Variants in FMN2 observed in about 807,000 individuals in gnomAD.
FMN2 encodes formin 2.
A neutral mutation model predicts 142.3 loss-of-function variants in FMN2; 51 were observed. The ratio of observed to expected loss-of-function variants is 0.36; its 90% CI spans 0.29 to 0.45. The LOEUF is 0.45. Among genes scored for constraint, FMN2 ranks in the 20% least tolerant of loss-of-function variants. The probability of loss-of-function intolerance (pLI) is 1.00; values close to 1 mark genes in which losing one functional copy is unlikely to be tolerated. For missense variants in FMN2, 1,936 were observed against 2,122.8 expected (o/e 0.91, Z 1.73); for synonymous variants, 882 against 869.8 (o/e 1.01, Z -0.25).
At position 240,093,589 on chromosome 1, in the gene FMN2, C is replaced by G; in HGVS notation, c.1480C>G (p.Pro494Ala). Reference sequence around the variant, plus strand: ...GACGGAGGAGCTAGGCGCCCGCACGCCCCGGGTGGGAGGCTCCGCGCACCT... The same window carrying G: ...GACGGAGGAGCTAGGCGCCCGCACGGCCCGGGTGGGAGGCTCCGCGCACCT... The part of the protein sequence containing the change: ...DWTEELGART[P>A]RVGGSAHLLE... Residue 494 changes from proline (P) to alanine (A), a missense_variant, in exon 1 of 18, where the codon CCC (proline) becomes GCC (alanine). Pro to Ala is a conservative substitution (Grantham distance 27, BLOSUM62 -1). This residue lies in a region of FMN2 where 751 missense variants were observed against 791.8 expected (regional missense o/e 0.95). Transcript: ENST00000319653. 1 of 1,445,822 alleles carries G rather than the reference C, an allele frequency of 6.9e-7. No individual in the cohort carries two copies. The highest frequency in any genetic ancestry group is 9.0e-7 in the Non-Finnish European group (1 of 1,109,610). 89.6% of individuals were successfully genotyped at this position (1,445,822 alleles called of 1,614,324 possible). A position where few individuals can be genotyped will look rare whatever the true frequency, so the allele number is the denominator to read the frequency against.
rs754511896 is a variant in FMN2 at position 240,093,012 on chromosome 1, C to T, written c.903C>T (p.Val301=). 234 of 1,397,210 alleles carry T rather than the reference C, an allele frequency of 1.7e-4. No individual in the cohort carries two copies. The highest frequency in any genetic ancestry group is 2.1e-4 in the Middle Eastern group (1 of 4,826). 86.6% of individuals were successfully genotyped at this position (1,397,210 alleles called of 1,614,324 possible). ...QQPPSPGGLP[V]SEAPSLPAAQ... ...CGCCGTCCCCCGGCGGCCTCCCGGTCTCCGAGGCGCCCAGTCTCCCGGCAG... is the reference window on the plus strand; with the variant it reads ...CGCCGTCCCCCGGCGGCCTCCCGGTTTCCGAGGCGCCCAGTCTCCCGGCAG... The change falls in exon 1 of 18, where the codon GTC becomes GTT. Residue 301 remains valine (V), a synonymous_variant. Coordinates refer to ENST00000319653, the MANE Select transcript of FMN2 (RefSeq NM_020066.5).
intron 15 of FMN2, among the ~76,000 whole-genome samples, chr1:240,418,905 G>A (rs903155093): frequency 6.6e-6 from 1 of 152,092 alleles, no homozygotes; most frequent in African/African-American, 2.4e-5. Flanking sequence ...TCAGGAGTTC[G>A]AGACCAGCCT....
At chr1:240,289,437 G>A (rs1669701237) in intron 7 of FMN2, among the ~76,000 whole-genome samples, 1 of 152,148 alleles carries the variant, frequency 6.6e-6, no homozygotes, top group Non-Finnish European at 1.5e-5. Context: ...GAAGCCTGAG[G>A]TGGGAGGATC....
intron 14 of FMN2, among the ~76,000 whole-genome samples, chr1:240,369,445 C>A (rs953411691): frequency 6.6e-6 from 1 of 151,996 alleles, no homozygotes; most frequent in Non-Finnish European, 1.5e-5. Flanking sequence ...TACATTTAAC[C>A]AATACCATTG....
intron 8 of FMN2, among the ~76,000 whole-genome samples, chr1:240,312,433 T>A (rs1670629969): frequency 6.6e-6 from 1 of 152,246 alleles, no homozygotes; most frequent in South Asian, 2.1e-4. Flanking sequence ...CTTGTAAACC[T>A]AGACATTGTA....
chr1:240,348,394 T>C (rs112508975), intron 13 of FMN2, among the ~76,000 whole-genome samples: 1,536 of 152,146 alleles, frequency 0.01, 29 homozygotes, highest in African/African-American at 0.034. Flanking sequence ...GCTAATATTT[T>C]GTATTTTTAG....
intron 13 of FMN2, among the ~76,000 whole-genome samples, chr1:240,351,424 G>A (rs751815518): frequency 6.6e-6 from 1 of 152,164 alleles, no homozygotes; most frequent in Non-Finnish European, 1.5e-5. Context: ...GAGGCTGCCA[G>A]TAAATGACTT....
chr1:240,391,536 C>G (rs936468627), intron 14 of FMN2, among the ~76,000 whole-genome samples: 17 of 152,120 alleles, frequency 1.1e-4, no homozygotes, highest in African/African-American at 4.1e-4. Context: ...AAGACAACTT[C>G]TTCTTTAACT....
intron 6 of FMN2, among the ~76,000 whole-genome samples, chr1:240,219,631 G>T (rs1398409110): frequency 2.0e-5 from 3 of 152,078 alleles, no homozygotes; most frequent in Non-Finnish European, 1.5e-5. Flanking sequence ...ATAACCATTT[G>T]CAAAATGGAG....
chr1:240,412,774 G>A lies in FMN2; in HGVS notation c.4910+20212G>A, dbSNP rs190551118. Among the ~76,000 whole-genome samples the A allele has an allele frequency of 2.4e-3, 365 of 152,208 alleles. 2 individuals carry two copies. The highest frequency in any genetic ancestry group is 0.024 in the Middle Eastern group (7 of 294). On this transcript the variant is annotated intron_variant, in intron 15 of 17. Coordinates refer to ENST00000319653, the MANE Select transcript of FMN2 (RefSeq NM_020066.5). ...AGGAGATGGGAAATGCAATGCTTCC[G>A]GAGAAGATCATTATGGATGATATGA...
At chr1:240,157,583 G>A (rs1226554876) in intron 2 of FMN2, among the ~76,000 whole-genome samples, 1 of 151,980 alleles carries the variant, frequency 6.6e-6, no homozygotes, top group East Asian at 1.9e-4. Context: ...AGGAAGGGGA[G>A]AAAAGGAAGT....
intron 5 of FMN2, among the ~76,000 whole-genome samples, chr1:240,209,945 A>T (rs1428097599): frequency 1.3e-5 from 2 of 152,242 alleles, no homozygotes; most frequent in East Asian, 3.9e-4. Flanking sequence ...AATAAAATGC[A>T]CAGCCCTGGT....
At chr1:240,108,933 G>T (rs1225370829) in intron 1 of FMN2, among the ~76,000 whole-genome samples, 1 of 152,140 alleles carries the variant, frequency 6.6e-6, no homozygotes, top group East Asian at 1.9e-4. Context: ...CTACTCAGGA[G>T]GCTGAGGCAG....
intron 7 of FMN2, among the ~76,000 whole-genome samples, chr1:240,285,987 G>T (rs1011054540): frequency 5.3e-5 from 8 of 152,086 alleles, no homozygotes; most frequent in Admixed American, 2.6e-4. Context: ...TCTTGCTTAA[G>T]TCTAAAAGGT....
At chr1:240,301,512 A>G (rs958438520) in intron 8 of FMN2, among the ~76,000 whole-genome samples, 2 of 151,934 alleles carry the variant, frequency 1.3e-5, no homozygotes, top group Admixed American at 1.3e-4. Flanking sequence ...TCTTTAGCCT[A>G]AGGAAGTATC....
chr1:240,125,964 C>A (rs1355402292), intron 2 of FMN2, among the ~76,000 whole-genome samples: 1 of 152,132 alleles, frequency 6.6e-6, no homozygotes, highest in Non-Finnish European at 1.5e-5. Flanking sequence ...TTCCTTTATT[C>A]ATTGGCTCTG....
intron 1 of FMN2, among the ~76,000 whole-genome samples, chr1:240,104,079 C>G (rs1160961742): frequency 2.0e-5 from 3 of 151,302 alleles, no homozygotes; most frequent in African/African-American, 7.3e-5. Context: ...GAGGTTTCAC[C>G]GTGTTAGCCA....
chr1:240,468,270 A>G (rs1272537091), intron 16 of FMN2, among the ~76,000 whole-genome samples: 1 of 151,996 alleles, frequency 6.6e-6, no homozygotes, highest in South Asian at 2.1e-4. Context: ...GCACACACAC[A>G]TATACATATG....
intron 1 of FMN2, among the ~76,000 whole-genome samples, chr1:240,115,180 G>A (rs1212365802): frequency 4.6e-5 from 7 of 152,130 alleles, no homozygotes; most frequent in Admixed American, 2.6e-4. Context: ...AATCAATTAA[G>A]TGATTATTCT....
Sources: allele counts gnomAD v4.1 joint callset (sites outside exome capture counted in the v4.1 genomes callset), GRCh38; gene constraint gnomAD v4.1.1; regional missense constraint gnomAD v4.1.1; transcripts MANE v1.5; gene names NCBI Gene and HGNC (gene_info 2026-07-23, HGNC 2026-07-21).